The following GSG1L variants were observed in gnomAD, a reference collection of about 807,000 sequenced individuals.
The protein encoded by GSG1L is GSG1 like.
In GSG1L, 24 loss-of-function variants were observed where a neutral mutation model predicts 42.1. That is an observed-to-expected ratio of 0.57 (90% CI 0.41 to 0.80). The LOEUF (loss-of-function observed/expected upper bound fraction) is 0.80. GSG1L is among the 30% of genes least tolerant of loss of function. The pLI, the probability that GSG1L is intolerant of heterozygous loss-of-function variation, is 0.00. For missense variants in GSG1L, 445 were observed against 472.2 expected (o/e 0.94, Z 0.53); for synonymous variants, 215 against 203.5 (o/e 1.06, Z -0.48).
At chr16:27,922,638 C>T in intron 2 of GSG1L, among the ~76,000 whole-genome samples, 1 of 152,194 alleles carries the variant, frequency 6.6e-6, no homozygotes, top group Non-Finnish European at 1.5e-5. Flanking sequence ...CTTTGGACAG[C>T]TCTCCAATAC....
At chr16:27,914,438 C>T (rs548548719) in intron 2 of GSG1L, among the ~76,000 whole-genome samples, 3 of 152,274 alleles carry the variant, frequency 2.0e-5, no homozygotes, top group Admixed American at 6.5e-5. Flanking sequence ...TCTCTCCGAG[C>T]CTCAGTTTCC....
At chr16:27,798,932 G>A (rs986984440) in intron 6 of GSG1L, among the ~76,000 whole-genome samples, 9 of 152,072 alleles carry the variant, frequency 5.9e-5, no homozygotes, top group Non-Finnish European at 1.2e-4. Flanking sequence ...ATTTTCCCTT[G>A]TAAAATAGAA....
intron 2 of GSG1L, among the ~76,000 whole-genome samples, chr16:27,937,246 C>T (rs1248946707): frequency 6.8e-6 from 1 of 146,068 alleles, no homozygotes; most frequent in Non-Finnish European, 1.5e-5. Flanking sequence ...GCTCTTCTGC[C>T]TTTTTTTTTT....
At chr16:27,839,236 A>C (rs376487287) in intron 4 of GSG1L, among the ~76,000 whole-genome samples, 2 of 152,162 alleles carry the variant, frequency 1.3e-5, no homozygotes, top group East Asian at 3.9e-4. Flanking sequence ...CTAGGACAGG[A>C]GTGAGAACCT....
At chr16:27,977,287 C>T (rs893803174) in intron 1 of GSG1L, among the ~76,000 whole-genome samples, 2 of 152,088 alleles carry the variant, frequency 1.3e-5, no homozygotes, top group Non-Finnish European at 1.5e-5. Flanking sequence ...TGGTCAGAAA[C>T]GGAACAAGAC....
At chr16:27,854,531 C>T (rs1019309906) in intron 3 of GSG1L, among the ~76,000 whole-genome samples, 1 of 152,194 alleles carries the variant, frequency 6.6e-6, no homozygotes, top group African/African-American at 2.4e-5. Context: ...ATGGTCCTTT[C>T]CCAGTCTGAG....
intron 6 of GSG1L, among the ~76,000 whole-genome samples, chr16:27,801,550 T>C (rs1360116740): frequency 6.6e-6 from 1 of 152,186 alleles, no homozygotes; most frequent in Non-Finnish European, 1.5e-5. Flanking sequence ...TTCCAAAATA[T>C]TTTCTTGGCT....
At chr16:27,803,787 A>ATC (rs71824902) in intron 6 of GSG1L, among the ~76,000 whole-genome samples, 1,944 of 89,592 alleles carry the variant, frequency 0.022, 20 homozygotes, top group Non-Finnish European at 0.029. Flanking sequence ...ATATATATAT[A>ATC]TATATATAGA....
At chr16:27,886,230 AG>A (rs1205291763) in intron 2 of GSG1L, among the ~76,000 whole-genome samples, 1 of 152,186 alleles carries the variant, frequency 6.6e-6, no homozygotes, top group African/African-American at 2.4e-5. Context: ...ACTTGAGGTC[AG>A]GAGTTCGAGA....
intron 1 of GSG1L, among the ~76,000 whole-genome samples, chr16:28,050,872 C>T (rs2086215292): frequency 6.6e-6 from 1 of 152,168 alleles, no homozygotes; most frequent in Admixed American, 6.5e-5. Context: ...AGAATGCAAG[C>T]TCCATAAGAC....
chr16:27,831,245 G>A (rs1237589731), intron 4 of GSG1L, among the ~76,000 whole-genome samples: 2 of 152,172 alleles, frequency 1.3e-5, no homozygotes, highest in Non-Finnish European at 2.9e-5. Flanking sequence ...CCAAAAGAAA[G>A]CAGAGCCATG....
At position 27,870,560 on chromosome 16, in the gene GSG1L, G is replaced by T. The variant is rs551928367; in HGVS notation, c.550+13926C>A. ...CTGCTCCATCTCTTACCTTATCAGG[G>T]GCCCTCCACTCTCCTCTCTTCCCTT... On this transcript the variant is annotated intron_variant, in intron 3 of 6. Coordinates refer to ENST00000447459, the MANE Select transcript of GSG1L (RefSeq NM_001109763.2). 3.3e-5 allele frequency among the ~76,000 whole-genome samples: 5 copies of T among 151,220 alleles called. No individual in the cohort carries two copies. The South Asian group carries it at 8.3e-4, about 25-fold the overall frequency.
intron 2 of GSG1L, among the ~76,000 whole-genome samples, chr16:27,935,025 C>T (rs2084698573): frequency 1.3e-5 from 2 of 152,202 alleles, no homozygotes; most frequent in African/African-American, 4.8e-5. Context: ...ACGCATAAAA[C>T]GAGATCATTT....
chr16:27,852,796 G>A (rs986153590), intron 3 of GSG1L, among the ~76,000 whole-genome samples: 2 of 152,194 alleles, frequency 1.3e-5, no homozygotes, highest in Non-Finnish European at 2.9e-5. Flanking sequence ...GCTGTGGCCT[G>A]AGAACAGGCG....
chr16:27,813,925 T>C (rs967959500), intron 5 of GSG1L, among the ~76,000 whole-genome samples: 1 of 152,284 alleles, frequency 6.6e-6, no homozygotes, highest in Middle Eastern at 3.4e-3. Flanking sequence ...TCAGTTTTCT[T>C]ATGTGTGCAC....
At chr16:27,856,728 T>C (rs2083583186) in intron 3 of GSG1L, among the ~76,000 whole-genome samples, 1 of 152,258 alleles carries the variant, frequency 6.6e-6, no homozygotes, top group South Asian at 2.1e-4. Flanking sequence ...TGAATGAATT[T>C]ATGTTGTGAG....
chr16:28,060,571 T>G (rs1165681284), intron 1 of GSG1L, among the ~76,000 whole-genome samples: 2 of 152,046 alleles, frequency 1.3e-5, no homozygotes, highest in African/African-American at 4.8e-5. Flanking sequence ...GGAGTGAGGG[T>G]CTTAACTGAG....
intron 2 of GSG1L, among the ~76,000 whole-genome samples, chr16:27,952,768 C>A (rs577442645): frequency 1.5e-3 from 235 of 152,350 alleles, no homozygotes; most frequent in Non-Finnish European, 3.0e-3. Context: ...ACTTTTCTTT[C>A]CTTTTTAGCA....
intron 2 of GSG1L, among the ~76,000 whole-genome samples, chr16:27,939,234 G>A (rs913811471): frequency 1.3e-5 from 2 of 151,912 alleles, no homozygotes; most frequent in African/African-American, 4.8e-5. Flanking sequence ...CCATCCTTTT[G>A]CCTTAGCCTC....
Sources: allele counts gnomAD v4.1 joint callset (sites outside exome capture counted in the v4.1 genomes callset), GRCh38; gene constraint gnomAD v4.1.1; transcripts MANE v1.5; gene names NCBI Gene and HGNC (gene_info 2026-07-23, HGNC 2026-07-21).